The following COMMD7 variants were observed in gnomAD, a reference collection of about 807,000 sequenced individuals.
The protein encoded by COMMD7 is COMM domain containing 7.
A neutral mutation model predicts 34.8 loss-of-function variants in COMMD7; 28 were observed. That is an observed-to-expected ratio of 0.80 (90% CI 0.60 to 1.10). The LOEUF (loss-of-function observed/expected upper bound fraction) is 1.10. Ranked by LOEUF, COMMD7 falls within the 50% of genes least tolerant of loss-of-function variation. COMMD7 has a pLI of 0.00. For synonymous variants in COMMD7, 80 were observed against 86.4 expected (o/e 0.93, Z 0.41); for missense variants, 211 against 241.6 (o/e 0.87, Z 0.84).
intron 3 of COMMD7, among the ~76,000 whole-genome samples, chr20:32,707,271 G>T (rs1469605641): frequency 7.5e-6 from 1 of 132,604 alleles, no homozygotes; most frequent in Admixed American, 7.8e-5. Flanking sequence ...GCAACAGAGC[G>T]AGACTCCGTC....
At chr20:32,728,284 A>T (rs1985636075) in intron 1 of COMMD7, 142 bp from the exon 2 acceptor site, 2 of 714,520 alleles carry the variant, frequency 2.8e-6, no homozygotes, top group Non-Finnish European at 4.8e-6. Context: ...TATAGTTACA[A>T]ATGTTCACAA....
intron 1 of COMMD7, among the ~76,000 whole-genome samples, chr20:32,740,747 A>C (rs1404138953): frequency 6.6e-6 from 1 of 150,576 alleles, no homozygotes; most frequent in Non-Finnish European, 1.5e-5. Context: ...CTGAGGTGGA[A>C]GGATTGCTTG....
chr20:32,731,715 A>T (rs901670589), intron 1 of COMMD7, among the ~76,000 whole-genome samples: 1 of 152,166 alleles, frequency 6.6e-6, no homozygotes, highest in Non-Finnish European at 1.5e-5. Context: ...CAACTTAAAT[A>T]CTGTAAGTGC....
chr20:32,704,674 T>A, intron 6 of COMMD7, 140 bp downstream of exon 6: 1 of 790,742 alleles, frequency 1.3e-6, no homozygotes, highest in Non-Finnish European at 2.1e-6. Context: ...CTACTGAATG[T>A]GGACAGAATA....
At chr20:32,719,155 G>A (rs1038350043) in intron 3 of COMMD7, among the ~76,000 whole-genome samples, 6 of 152,288 alleles carry the variant, frequency 3.9e-5, no homozygotes, top group South Asian at 2.1e-4. Context: ...ACTTCATTAC[G>A]CAAGGTAAAC....
intron 3 of COMMD7, among the ~76,000 whole-genome samples, chr20:32,726,920 A>C (rs1448758423): frequency 1.3e-5 from 2 of 151,514 alleles, no homozygotes; most frequent in African/African-American, 4.9e-5. Flanking sequence ...AACAAATTAA[A>C]CCCCCAACTT....
Position 32,743,418 on chromosome 20 carries a change from C to CT in COMMD7, c.-28_-27insA. On this transcript the variant is annotated 5_prime_UTR_variant, in exon 1 of 9. Coordinates refer to ENST00000278980, the MANE Select transcript of COMMD7 (RefSeq NM_053041.3). Reference sequence around the variant, plus strand: ...GCGCGCGCCCCAGCCCCGCAGGTTCCACCGCCGCCGCCGCCCTGCTCAGCT... The same window carrying CT: ...GCGCGCGCCCCAGCCCCGCAGGTTCCTACCGCCGCCGCCGCCCTGCTCAGCT... 7.6e-7 allele frequency: 1 copy of CT among 1,323,318 alleles called. No individual in the cohort carries two copies. Among genetic ancestry groups the CT allele is most frequent in the South Asian group, 2.0e-5 (1 of 49,226 alleles). 82.0% of individuals were successfully genotyped at this position (1,323,318 alleles called of 1,614,324 possible). A position where few individuals can be genotyped will look rare whatever the true frequency, so the allele number is the denominator to read the frequency against.
rs532745273 is a variant in COMMD7, at chr20:32,718,814, T to C, written c.241+9079A>G. On this transcript the variant is annotated intron_variant, in intron 3 of 8. Coordinates refer to ENST00000278980, the MANE Select transcript of COMMD7 (RefSeq NM_053041.3). ...AAAAAGAAACCAAAAAGTTCCATCA[T>C]TAACTGTGCTTCACAGATACTGGTT... Among the ~76,000 whole-genome samples the C allele has an allele frequency of 2.6e-4, 39 of 152,282 alleles. No homozygotes were observed. In the South Asian group the frequency reaches 8.1e-3, roughly 32 times the overall value.
intron 1 of COMMD7, among the ~76,000 whole-genome samples, chr20:32,732,290 A>T (rs762512370): frequency 1.3e-5 from 2 of 152,090 alleles, no homozygotes; most frequent in Non-Finnish European, 2.9e-5. Context: ...AGGGTCTCAC[A>T]ATGTTGCCCC....
intron 3 of COMMD7, among the ~76,000 whole-genome samples, chr20:32,707,751 C>T (rs1025680608): frequency 1.1e-4 from 17 of 151,808 alleles, no homozygotes; most frequent in Non-Finnish European, 2.2e-4. Flanking sequence ...AGTAAGGATA[C>T]GAATTCCTGG....
chr20:32,725,227 GA>G (rs1985435240), intron 3 of COMMD7, among the ~76,000 whole-genome samples: 1 of 151,790 alleles, frequency 6.6e-6, no homozygotes, highest in African/African-American at 2.4e-5. Flanking sequence ...CAGGTATGAT[GA>G]AAAAATGTGA....
intron 1 of COMMD7, among the ~76,000 whole-genome samples, chr20:32,733,490 G>A (rs898369572): frequency 1.3e-5 from 2 of 151,950 alleles, no homozygotes; most frequent in South Asian, 2.1e-4. Context: ...AGGCCGAGGC[G>A]GGCAGATCAC....
intron 8 of COMMD7, chr20:32,703,663 A>C: frequency 1.4e-6 from 2 of 1,436,366 alleles, no homozygotes; most frequent in Non-Finnish European, 1.8e-6. Context: ...AAGGGGAGTG[A>C]GTGTTCAAAT....
chr20:32,726,371 AG>A lies in COMMD7; in HGVS notation c.241+1521del, dbSNP rs1162025964. 3.9e-5 allele frequency among the ~76,000 whole-genome samples: 6 copies of A among 151,944 alleles called. No homozygotes were observed. The East Asian group carries it at 1.2e-3, about 29-fold the overall frequency. On this transcript the variant is annotated intron_variant, in intron 3 of 8. Coordinates refer to ENST00000278980, the MANE Select transcript of COMMD7 (RefSeq NM_053041.3). ...AAGATTCTGCACTGCACTCCAGCCT[AG>A]GTGACAGAGCGAGACTCCGTCTCAA... is the stretch of plus-strand genomic sequence containing the variant.
At chr20:32,738,709 C>T (rs1293022161) in intron 1 of COMMD7, among the ~76,000 whole-genome samples, 1 of 151,928 alleles carries the variant, frequency 6.6e-6, no homozygotes, top group Admixed American at 6.6e-5. Flanking sequence ...GCATGAGCCA[C>T]CTTGCCTGGC....
At chr20:32,721,300 C>CG (rs1240140824) in intron 3 of COMMD7, among the ~76,000 whole-genome samples, 2 of 151,896 alleles carry the variant, frequency 1.3e-5, no homozygotes, top group African/African-American at 4.8e-5. Context: ...ATAGGAAGAT[C>CG]CTGACTCTAT....
At chr20:32,715,283 G>A (rs983220086) in intron 3 of COMMD7, among the ~76,000 whole-genome samples, 4 of 151,728 alleles carry the variant, frequency 2.6e-5, no homozygotes, top group Admixed American at 1.3e-4. Flanking sequence ...AGGAGTTCAA[G>A]ACCAGCCTAG....
At chr20:32,703,829 G>A in intron 8 of COMMD7, 194 bp downstream of exon 8, 1 of 1,541,508 alleles carries the variant, frequency 6.5e-7, no homozygotes, top group Non-Finnish European at 8.7e-7. Context: ...TTCAACTGTG[G>A]GGGCTCCAAC....
At chr20:32,708,403 C>T (rs982713690) in intron 3 of COMMD7, among the ~76,000 whole-genome samples, 4 of 151,996 alleles carry the variant, frequency 2.6e-5, no homozygotes, top group African/African-American at 4.8e-5. Flanking sequence ...GCTGTTGTAC[C>T]GGTAAAATCA....
Sources: allele counts gnomAD v4.1 joint callset (sites outside exome capture counted in the v4.1 genomes callset), GRCh38; gene constraint gnomAD v4.1.1; transcripts MANE v1.5; gene names NCBI Gene and HGNC (gene_info 2026-07-23, HGNC 2026-07-21).